Variants in FAM149A observed in about 807,000 individuals in gnomAD.
The protein encoded by FAM149A is protein FAM149A.
FAM149A carries 71 observed loss-of-function variants against 78.2 expected under a neutral mutation model. The ratio of observed to expected loss-of-function variants is 0.91; its 90% CI spans 0.75 to 1.11. The LOEUF (loss-of-function observed/expected upper bound fraction) is 1.11, where lower values mean the gene tolerates loss of function less well. Among genes scored for constraint, FAM149A ranks in the 50% least tolerant of loss-of-function variants. The pLI is 0.00. For synonymous variants in FAM149A, 446 were observed against 410.5 expected (o/e 1.09, Z -1.04); for missense variants, 1,036 against 971.0 (o/e 1.07, Z -0.89).
chr4:186,136,769 T>C (rs1347205624), intron 1 of FAM149A, among the ~76,000 whole-genome samples: 2 of 152,194 alleles, frequency 1.3e-5, no homozygotes, highest in African/African-American at 2.4e-5. Context: ...GAGTGTGCCC[T>C]GCAGGGCTGC....
rs745650578 is a variant in FAM149A, at chr4:186,156,235, G to T, written c.1420+45G>T. ...AGCTTAATGAAAAGAAAAAGTCCCTGTTCTTCGGCCCTGGGCTCCTGCTCC... is the reference window on the plus strand; with the variant it reads ...AGCTTAATGAAAAGAAAAAGTCCCTTTTCTTCGGCCCTGGGCTCCTGCTCC... On this transcript the variant is annotated intron_variant, in intron 7 of 13. Coordinates refer to ENST00000389354, the MANE Select transcript of FAM149A (RefSeq NM_001367768.3). 5 of 1,555,054 alleles carry T rather than the reference G, an allele frequency of 3.2e-6. No homozygotes were observed. In the East Asian group the frequency reaches 1.1e-4, roughly 35 times the overall value.
At chr4:186,132,109 G>T (rs1031899400) in intron 1 of FAM149A, 2 of 985,258 alleles carry the variant, frequency 2.0e-6, no homozygotes, top group African/African-American at 3.5e-5. Context: ...CACAGCAGAG[G>T]CTTGGTGATG....
At chr4:186,138,759 ATT>A (rs1157447007) in intron 1 of FAM149A, among the ~76,000 whole-genome samples, 1 of 152,106 alleles carries the variant, frequency 6.6e-6, no homozygotes, top group Non-Finnish European at 1.5e-5. Context: ...TGCCTTTCTC[ATT>A]GCCTCATTGC....
At chr4:186,171,776 A>G (rs1735553778) in intron 13 of FAM149A, 138 bp from the exon 14 acceptor site, 2 of 617,854 alleles carry the variant, frequency 3.2e-6, no homozygotes, top group Non-Finnish European at 2.4e-6. Flanking sequence ...GCATATGACT[A>G]TTTCCTAATT....
chr4:186,130,314 T>TATATATATATATATGTAA (rs141900902), intron 1 of FAM149A, among the ~76,000 whole-genome samples: 2 of 116,454 alleles, frequency 1.7e-5, no homozygotes, highest in African/African-American at 7.0e-5. Flanking sequence ...TATATATATA[T>TATATATATATATATGTAA]AATCTATATC....
In FAM149A at chr4:186,153,629, C is replaced by T. The variant is rs1378177223; in HGVS notation, c.933-16C>T. 6.2e-7 allele frequency: 1 copy of T among 1,600,996 alleles called. No homozygotes were observed. ...GTCTGATCAAAAATGTCAGTAGCTT[C>T]TCTTTGACCTCGCAGAGTATTAGGA... is the stretch of plus-strand genomic sequence containing the variant. On this transcript the variant is annotated splice_polypyrimidine_tract_variant and intron_variant, in intron 4 of 13. Coordinates refer to ENST00000389354, the MANE Select transcript of FAM149A (RefSeq NM_001367768.3).
At chr4:186,133,185 A>T (rs1028963271) in intron 1 of FAM149A, 80 of 985,386 alleles carry the variant, frequency 8.1e-5, no homozygotes, top group African/African-American at 4.5e-4. Context: ...GTGATTTTTT[A>T]AAAAATGTGA....
Position 186,135,953 on chromosome 4 carries a change from C to T in FAM149A, c.567-13220C>T, listed in dbSNP as rs552471023. On this transcript the variant is annotated intron_variant, in intron 1 of 13. Transcript: ENST00000389354. Reference sequence around the variant, plus strand: ...CATGTGCGGAGGGGCATGGAGGCACCACGCGTGTGGAGTTGGGGCTTACAG... The same window carrying T: ...CATGTGCGGAGGGGCATGGAGGCACTACGCGTGTGGAGTTGGGGCTTACAG... Among the ~76,000 whole-genome samples, 58 of 152,266 alleles carry T rather than the reference C, an allele frequency of 3.8e-4. 1 individual carries two copies. The South Asian group carries it at 9.5e-3, about 25-fold the overall frequency.
At chr4:186,166,353 T>A (rs1354202298) in intron 11 of FAM149A, among the ~76,000 whole-genome samples, 1 of 152,200 alleles carries the variant, frequency 6.6e-6, no homozygotes, top group Non-Finnish European at 1.5e-5. Flanking sequence ...TAGAATAACA[T>A]CATTTTACAA....
At chr4:186,133,511 A>T (rs955928323) in intron 1 of FAM149A, among the ~76,000 whole-genome samples, 1 of 152,232 alleles carries the variant, frequency 6.6e-6, no homozygotes, top group Non-Finnish European at 1.5e-5. Flanking sequence ...TTTAAGGTTC[A>T]TCCATGTTAT....
At position 186,127,987 on chromosome 4, in the gene FAM149A, C is replaced by CTTTTTTTTTTT; in HGVS notation, c.567-21176_567-21166dup. Among the ~76,000 whole-genome samples, 87 of 62,386 alleles carry CTTTTTTTTTTT rather than the reference C, an allele frequency of 1.4e-3. 4 individuals are homozygous for CTTTTTTTTTTT. The highest frequency in any genetic ancestry group is 1.8e-3 in the Non-Finnish European group (68 of 36,904). The allele number at this position is 62,386 out of a possible 152,430, so 40.9% of individuals were successfully genotyped here. On this transcript the variant is annotated intron_variant, in intron 1 of 13. Coordinates refer to ENST00000389354, the MANE Select transcript of FAM149A (RefSeq NM_001367768.3). Reference sequence around the variant, plus strand: ...ACAGGCATGAGCCACCATGCCCGGCCTTTTTTTTTTTTTTTTTTTTGATAC... The same window carrying CTTTTTTTTTTT: ...ACAGGCATGAGCCACCATGCCCGGCCTTTTTTTTTTTTTTTTTTTTTTTTTTTTTTTGATAC...
rs533919025 is a variant in FAM149A, at chr4:186,146,875, G to A, written c.567-2298G>A. 5.4e-5 allele frequency: 53 copies of A among 985,464 alleles called. 1 individual carries two copies. In the South Asian group the frequency reaches 1.9e-3, roughly 36 times the overall value. The allele number at this position is 985,464 out of a possible 1,614,324, so 61.0% of individuals were successfully genotyped here. On this transcript the variant is annotated intron_variant, in intron 1 of 13. Coordinates refer to ENST00000389354, the MANE Select transcript of FAM149A (RefSeq NM_001367768.3). The stretch of plus-strand genomic sequence containing the variant: ...TAGTGAAAATGAGTTCCGCATTTGA[G>A]TTGCTAATTTCGTCTTCGCCGTTTG...
intron 8 of FAM149A, among the ~76,000 whole-genome samples, chr4:186,162,363 G>A (rs529050610): frequency 9.2e-4 from 140 of 152,240 alleles, no homozygotes; most frequent in African/African-American, 3.2e-3. Context: ...CATGATGCCC[G>A]GCCTGTGCTT....
rs1453238444 is a variant in FAM149A, at chr4:186,173,366, T to A, written c.*1379T>A. ...CTCCATTTCTTTTTTCTTTTCTTTT[T>A]TTTTGAAACGGAGTCTGGCTCTGTG... On this transcript the variant is annotated 3_prime_UTR_variant, in exon 14 of 14. Transcript: ENST00000389354. Among the ~76,000 whole-genome samples, 1 of 111,018 alleles carries A rather than the reference T, an allele frequency of 9.0e-6. No individual in the cohort carries two copies. Among genetic ancestry groups the A allele is most frequent in the African/African-American group, 2.8e-5 (1 of 35,312 alleles). 72.8% of individuals were successfully genotyped at this position (111,018 alleles called of 152,430 possible).
Position 186,163,489 on chromosome 4 carries a change from T to C in FAM149A, c.1745T>C (p.Leu582Pro). The change falls in exon 10 of 14, where the codon CTG (leucine) becomes CCG (proline). Residue 582 changes from leucine (L) to proline (P), a missense_variant. By Grantham distance (98) the Leu-to-Pro change is moderately conservative. Transcript: ENST00000389354. ...GCTCTCTCCTCCGCACCGCACAGAC[T>C]GGGACGGGCCTCAGACACTCATGGA... 1 of 1,614,124 alleles carries C rather than the reference T, an allele frequency of 6.2e-7. No homozygotes were observed. The highest frequency in any genetic ancestry group is 8.5e-7 in the Non-Finnish European group (1 of 1,180,012).
At chr4:186,143,141 G>A (rs746928281) in intron 1 of FAM149A, among the ~76,000 whole-genome samples, 20 of 132,562 alleles carry the variant, frequency 1.5e-4, no homozygotes, top group Middle Eastern at 7.8e-3. Flanking sequence ...CTTTGTGTTC[G>A]ATTTTTACTT....
Position 186,166,988 on chromosome 4 carries a change from A to G in FAM149A, c.2031A>G (p.Gln677=). Reference sequence around the variant, plus strand: ...TTTAGTACAGAGGAAGGCATCTACAAAACCGTGTGTTGAGTGCCATGCCTG... The same window carrying G: ...TTTAGTACAGAGGAAGGCATCTACAGAACCGTGTGTTGAGTGCCATGCCTG... Residue 677 remains glutamine (Q), a synonymous_variant, in exon 12 of 14, where the codon CAA becomes CAG. Transcript: ENST00000389354. 1 of 1,614,100 alleles carries G rather than the reference A, an allele frequency of 6.2e-7. No homozygotes were observed. Among genetic ancestry groups the G allele is most frequent in the Non-Finnish European group, 8.5e-7 (1 of 1,179,964 alleles).
chr4:186,155,248 G>C (rs921611112), intron 6 of FAM149A, among the ~76,000 whole-genome samples: 1 of 152,184 alleles, frequency 6.6e-6, no homozygotes, highest in African/African-American at 2.4e-5. Flanking sequence ...TTACAGGCGT[G>C]AGCCACTGTG....
rs1033139315 is a variant in FAM149A at position 186,163,752 on chromosome 4, T to C, written c.1889+119T>C. On this transcript the variant is annotated intron_variant, in intron 10 of 13. Coordinates refer to ENST00000389354, the MANE Select transcript of FAM149A (RefSeq NM_001367768.3). ...CTACCTAGTTTTACATAGATGCTTTTCTAATGAGTTCATTGAGCATTTAAC... is the reference window on the plus strand; with the variant it reads ...CTACCTAGTTTTACATAGATGCTTTCCTAATGAGTTCATTGAGCATTTAAC... The C allele has an allele frequency of 5.5e-6, 4 of 728,554 alleles. No individual in the cohort carries two copies. The South Asian group carries it at 6.8e-5, about 12-fold the overall frequency. 45.1% of individuals were successfully genotyped at this position (728,554 alleles called of 1,614,324 possible).
Sources: allele counts gnomAD v4.1 joint callset (sites outside exome capture counted in the v4.1 genomes callset), GRCh38; gene constraint gnomAD v4.1.1; transcripts MANE v1.5; gene names NCBI Gene and HGNC (gene_info 2026-07-23, HGNC 2026-07-21).